Variants in BBS9 observed in about 807,000 individuals in gnomAD.
BBS9 encodes the protein Bardet-Biedl syndrome 9, also known as protein PTHB1.
A neutral mutation model predicts 117.7 loss-of-function variants in BBS9; 89 were observed. The observed-to-expected ratio is 0.76, with a 90% confidence interval of 0.64 to 0.90. The LOEUF (loss-of-function observed/expected upper bound fraction) is 0.90. BBS9 is among the 40% of genes least tolerant of loss of function. The probability of loss-of-function intolerance (pLI) is 0.00; values close to 1 mark genes in which losing one functional copy is unlikely to be tolerated. For synonymous variants in BBS9, 379 were observed against 370.9 expected (o/e 1.02, Z -0.25); for missense variants, 982 against 1,042.2 (o/e 0.94, Z 0.80).
chr7:33,371,163 A>G (rs1321426280), intron 17 of BBS9, among the ~76,000 whole-genome samples: 1 of 152,222 alleles, frequency 6.6e-6, no homozygotes, highest in East Asian at 1.9e-4. Context: ...TTCGCTTATG[A>G]ATATTCAAAA....
intron 9 of BBS9, among the ~76,000 whole-genome samples, chr7:33,279,037 ATCTGTTTATTTAT>A (rs1179157021): frequency 6.6e-6 from 1 of 152,112 alleles, no homozygotes; most frequent in African/African-American, 2.4e-5. Flanking sequence ...GCTATAGCTT[ATCTGTTTATTTAT>A]TTTTAGAGAC....
chr7:33,142,066 A>G (rs1791559750), intron 1 of BBS9, among the ~76,000 whole-genome samples: 1 of 151,858 alleles, frequency 6.6e-6, no homozygotes, highest in Admixed American at 6.6e-5. Flanking sequence ...TTCCCGAGTA[A>G]CTGGGACTAC....
At chr7:33,540,147 A>G (rs1156639660) in intron 21 of BBS9, among the ~76,000 whole-genome samples, 1 of 152,224 alleles carries the variant, frequency 6.6e-6, no homozygotes, top group East Asian at 1.9e-4. Context: ...CTCTAACCAC[A>G]TGTGCTAATG....
chr7:33,200,199 CGT>C (rs1785612943), intron 5 of BBS9, among the ~76,000 whole-genome samples: 1 of 152,116 alleles, frequency 6.6e-6, no homozygotes, highest in Non-Finnish European at 1.5e-5. Flanking sequence ...CACCTGTGCA[CGT>C]TCAAACAGTA....
chr7:33,213,297 C>T (rs1297154531), intron 5 of BBS9, among the ~76,000 whole-genome samples: 1 of 152,206 alleles, frequency 6.6e-6, no homozygotes, highest in Non-Finnish European at 1.5e-5. Context: ...TGGCAGGCCA[C>T]TGACCATGTT....
At chr7:33,406,606 A>C (rs1203907889) in intron 19 of BBS9, among the ~76,000 whole-genome samples, 1 of 151,962 alleles carries the variant, frequency 6.6e-6, no homozygotes, top group African/African-American at 2.4e-5. Flanking sequence ...TGCTTCCTTC[A>C]GGAGCTCTTT....
intron 21 of BBS9, among the ~76,000 whole-genome samples, chr7:33,562,508 G>A (rs905409888): frequency 1.3e-5 from 2 of 152,122 alleles, no homozygotes; most frequent in Non-Finnish European, 2.9e-5. Flanking sequence ...ATTGGCTTCC[G>A]CTAGGTCAAG....
In BBS9 at chr7:33,521,747, CT is replaced by C. The variant is rs568390639; in HGVS notation, c.2299-12196del. On this transcript the variant is annotated intron_variant, in intron 20 of 22. Coordinates refer to ENST00000242067, the MANE Select transcript of BBS9 (RefSeq NM_198428.3). ...ACATTCAAAGGGCTGTTTTCTTTTT[CT>C]TTTTTTTTTTATTATACTTTAAGTT... 6.9e-3 allele frequency among the ~76,000 whole-genome samples: 992 copies of C among 143,558 alleles called. 8 individuals are homozygous for C. The highest frequency in any genetic ancestry group is 0.02 in the African/African-American group (786 of 39,638). The allele number at this position is 143,558 out of a possible 152,430, so 94.2% of individuals were successfully genotyped here. A position where few individuals can be genotyped will look rare whatever the true frequency, so the allele number is the denominator to read the frequency against.
At chr7:33,616,352 C>T (rs971746115) in intron 21 of BBS9, among the ~76,000 whole-genome samples, 6 of 150,598 alleles carry the variant, frequency 4.0e-5, no homozygotes, top group African/African-American at 1.2e-4. Context: ...ATAAGGTATT[C>T]GCACTACTTA....
chr7:33,490,309 A>G (rs767247730), intron 19 of BBS9, among the ~76,000 whole-genome samples: 1 of 152,172 alleles, frequency 6.6e-6, no homozygotes, highest in Non-Finnish European at 1.5e-5. Flanking sequence ...GAGTTTTAAA[A>G]AGATCAATCT....
intron 19 of BBS9, among the ~76,000 whole-genome samples, chr7:33,452,316 G>T (rs1186056438): frequency 6.6e-6 from 1 of 151,516 alleles, no homozygotes; most frequent in Non-Finnish European, 1.5e-5. Flanking sequence ...TTATAGAATT[G>T]AGTTCATTTC....
At chr7:33,552,835 A>G (rs1854647847) in intron 21 of BBS9, among the ~76,000 whole-genome samples, 2 of 152,146 alleles carry the variant, frequency 1.3e-5, no homozygotes, top group Non-Finnish European at 1.5e-5. Context: ...GTTCTTTCTC[A>G]GAAGATGACT....
At chr7:33,339,065 A>G (rs575360340) in intron 10 of BBS9, among the ~76,000 whole-genome samples, 3 of 152,360 alleles carry the variant, frequency 2.0e-5, no homozygotes, top group African/African-American at 7.2e-5. Flanking sequence ...CTGTCTGGCT[A>G]CATGTCACAA....
At chr7:33,557,306 A>G (rs1855434701) in intron 21 of BBS9, among the ~76,000 whole-genome samples, 1 of 152,064 alleles carries the variant, frequency 6.6e-6, no homozygotes. Flanking sequence ...CTCAGTTTCC[A>G]TTTGAGTAGC....
chr7:33,149,672 T>C (rs1304338871), intron 2 of BBS9, among the ~76,000 whole-genome samples: 2 of 152,216 alleles, frequency 1.3e-5, no homozygotes, highest in African/African-American at 4.8e-5. Context: ...TAAGACTGAC[T>C]AATGGCTTTT....
intron 20 of BBS9, among the ~76,000 whole-genome samples, chr7:33,527,519 G>A (rs921087298): frequency 2.0e-5 from 3 of 152,178 alleles, no homozygotes; most frequent in African/African-American, 4.8e-5. Context: ...TTCCAGGTGC[G>A]TCCGTCACCC....
intron 16 of BBS9, 110 bp from the exon 17 acceptor site, chr7:33,367,657 T>C: frequency 1.2e-6 from 1 of 832,376 alleles, no homozygotes; most frequent in South Asian, 1.4e-5. Context: ...ATGGAGTTTA[T>C]ACATGACTAG....
chr7:33,323,119 T>G (rs577530201), intron 9 of BBS9, among the ~76,000 whole-genome samples: 1 of 152,312 alleles, frequency 6.6e-6, no homozygotes, highest in East Asian at 1.9e-4. Context: ...GTTTCAGTTT[T>G]TTTTGAATGT....
intron 5 of BBS9, among the ~76,000 whole-genome samples, chr7:33,204,612 C>T (rs1399250988): frequency 6.6e-6 from 1 of 152,064 alleles, no homozygotes. Flanking sequence ...TCCTACTCTT[C>T]ATTCAGATGA....
Sources: allele counts gnomAD v4.1 joint callset (sites outside exome capture counted in the v4.1 genomes callset), GRCh38; gene constraint gnomAD v4.1.1; transcripts MANE v1.5; gene names NCBI Gene and HGNC (gene_info 2026-07-23, HGNC 2026-07-21).